UPP2: variants seen among roughly 807,000 people sequenced by gnomAD.
UPP2 encodes the protein uridine phosphorylase 2.
Under a neutral mutation model 26.7 loss-of-function variants are expected in UPP2, and 23 were observed. That is an observed-to-expected ratio of 0.86 (90% CI 0.62 to 1.22). The LOEUF (loss-of-function observed/expected upper bound fraction) is 1.22, where lower values mean the gene tolerates loss of function less well. Among genes scored for constraint, UPP2 ranks in the 50% most tolerant of loss-of-function variants. The probability of loss-of-function intolerance (pLI) is 0.00; values close to 1 mark genes in which losing one functional copy is unlikely to be tolerated. For missense variants in UPP2, 387 were observed against 396.7 expected, an observed-to-expected ratio of 0.98 and a Z score of 0.21; for synonymous variants, 127 against 141.3, an observed-to-expected ratio of 0.90 and a Z score of 0.72.
At chr2:158,031,739 A>T (rs1363747619) in intron 3 of UPP2, among the ~76,000 whole-genome samples, 1 of 152,254 alleles carries the variant, frequency 6.6e-6, no homozygotes, top group Non-Finnish European at 1.5e-5. Context: ...GCTATGAAAT[A>T]ACATTGAGAA....
chr2:158,010,269 A>G (rs1264309123), intron 2 of UPP2, among the ~76,000 whole-genome samples: 8 of 152,362 alleles, frequency 5.3e-5, no homozygotes, highest in Non-Finnish European at 1.2e-4. Context: ...CCCAAAAAGG[A>G]ACACTAGATT....
upstream of UPP2, among the ~76,000 whole-genome samples, chr2:158,101,587 T>C (rs1049019875): frequency 3.9e-5 from 6 of 152,226 alleles, no homozygotes; most frequent in Non-Finnish European, 7.3e-5. Flanking sequence ...TCGTATGTAC[T>C]GGACACAGTT....
chr2:158,114,448 C>A (rs1479539170), intron 2 of UPP2, among the ~76,000 whole-genome samples: 1 of 152,146 alleles, frequency 6.6e-6, no homozygotes, highest in Non-Finnish European at 1.5e-5. Context: ...GACTGCAACA[C>A]CTATCCTAAT....
intron 3 of UPP2, among the ~76,000 whole-genome samples, chr2:158,115,711 C>T (rs188281630): frequency 6.6e-6 from 1 of 152,180 alleles, no homozygotes; most frequent in African/African-American, 2.4e-5. Flanking sequence ...AAATTACTCT[C>T]CTGCATTTAG....
chr2:158,132,310 T>C (rs1239403551), intron 6 of UPP2, among the ~76,000 whole-genome samples: 1 of 152,230 alleles, frequency 6.6e-6, no homozygotes, highest in Non-Finnish European at 1.5e-5. Context: ...TAGGGCAGGA[T>C]TGCCTAATGG....
intron 3 of UPP2, among the ~76,000 whole-genome samples, chr2:158,088,970 G>C (rs1477109864): frequency 6.6e-6 from 1 of 152,294 alleles, no homozygotes; most frequent in East Asian, 1.9e-4. Context: ...CTCCAGCCAG[G>C]GGGTGGTGCT....
intron 3 of UPP2, among the ~76,000 whole-genome samples, chr2:158,042,904 C>T (rs1377586269): frequency 1.3e-5 from 2 of 152,146 alleles, no homozygotes; most frequent in African/African-American, 4.8e-5. Flanking sequence ...ACAAAGAGGC[C>T]CCTGCCGAGC....
chr2:158,064,329 C>A lies in UPP2; in HGVS notation c.148-37711C>A, dbSNP rs556598893. ...GGTATCTCATTGTGGTTTTGATTTG[C>A]ATTTCTCTAATGACCAGTGATGATG... On this transcript the variant is annotated intron_variant, in intron 3 of 9. Transcript: ENST00000605860. Among the ~76,000 whole-genome samples, 1,120 of 151,616 alleles carry A rather than the reference C, an allele frequency of 7.4e-3. 10 individuals carry two copies. Among genetic ancestry groups the A allele is most frequent in the African/African-American group, 0.026 (1,074 of 41,270 alleles).
chr2:158,104,057 C>T (rs1353605337), intron 1 of UPP2, among the ~76,000 whole-genome samples: 1 of 152,184 alleles, frequency 6.6e-6, no homozygotes, highest in Non-Finnish European at 1.5e-5. Flanking sequence ...AATTTCTGAA[C>T]AGTTAAATTT....
chr2:158,093,271 T>C (rs796834191), intron 3 of UPP2, among the ~76,000 whole-genome samples: 24 of 137,514 alleles, frequency 1.7e-4, no homozygotes, highest in Middle Eastern at 3.7e-3. Flanking sequence ...AAAAGAAACA[T>C]ACACACACAC....
At chr2:158,114,755 G>A (rs954658557) in intron 2 of UPP2, among the ~76,000 whole-genome samples, 1 of 152,166 alleles carries the variant, frequency 6.6e-6, no homozygotes, top group African/African-American at 2.4e-5. Context: ...TACATCCTAA[G>A]CATATGTCAT....
intron 4 of UPP2, 115 bp from the exon 5 acceptor site, chr2:158,121,294 G>A: frequency 1.1e-6 from 1 of 903,252 alleles, no homozygotes. Flanking sequence ...TTTTAAAGTT[G>A]AAAACAGGGA....
chr2:158,015,002 T>A (rs1478933321), intron 2 of UPP2, among the ~76,000 whole-genome samples: 1 of 152,208 alleles, frequency 6.6e-6, no homozygotes, highest in African/African-American at 2.4e-5. Context: ...TGTATTCCTA[T>A]CCCATAATAC....
intron 3 of UPP2, among the ~76,000 whole-genome samples, chr2:158,018,433 A>G (rs1480078524): frequency 1.3e-5 from 2 of 152,098 alleles, no homozygotes; most frequent in Non-Finnish European, 2.9e-5. Flanking sequence ...ACCTGTACCC[A>G]TTGTTCCTCC....
chr2:158,020,464 T>C (rs939215416), intron 3 of UPP2, among the ~76,000 whole-genome samples: 3 of 152,220 alleles, frequency 2.0e-5, no homozygotes, highest in Admixed American at 6.5e-5. Flanking sequence ...AGGGTGGAGC[T>C]GGCATCTCTG....
upstream of UPP2, among the ~76,000 whole-genome samples, chr2:158,101,629 C>A (rs1683077174): frequency 6.6e-6 from 1 of 152,164 alleles, no homozygotes; most frequent in Non-Finnish European, 1.5e-5. Flanking sequence ...GTTATAGAAA[C>A]CAAAAGAGGA....
intron 3 of UPP2, among the ~76,000 whole-genome samples, chr2:158,089,534 G>T (rs1429113419): frequency 2.0e-5 from 3 of 152,160 alleles, no homozygotes; most frequent in African/African-American, 4.8e-5. Context: ...CTTTGCACTC[G>T]GTTGAAATTG....
intron 3 of UPP2, among the ~76,000 whole-genome samples, chr2:158,026,948 C>T (rs927924840): frequency 1.3e-5 from 2 of 152,136 alleles, no homozygotes; most frequent in East Asian, 1.9e-4. Context: ...GAGACTTATT[C>T]GCTACTACGA....
At chr2:158,049,804 G>A (rs926271763) in intron 3 of UPP2, among the ~76,000 whole-genome samples, 4 of 152,152 alleles carry the variant, frequency 2.6e-5, no homozygotes, top group Non-Finnish European at 5.9e-5. Flanking sequence ...CTAGGGAGAA[G>A]AATTTTGTAA....
Sources: gnomAD v4.1 joint callset for allele counts (sites outside exome capture counted in the v4.1 genomes callset) on GRCh38, gnomAD v4.1.1 for gene constraint, MANE v1.5 for transcripts, NCBI Gene and HGNC (gene_info 2026-07-23, HGNC 2026-07-21) for gene names.